ITPR3: variants seen among roughly 807,000 people sequenced by gnomAD.
The protein encoded by ITPR3 is inositol 1,4,5-trisphosphate receptor type 3.
A neutral mutation model predicts 293.2 loss-of-function variants in ITPR3; 173 were observed. The ratio of observed to expected loss-of-function variants is 0.59; its 90% CI spans 0.52 to 0.67. The LOEUF (loss-of-function observed/expected upper bound fraction) is 0.67, where lower values mean the gene tolerates loss of function less well. ITPR3 is among the 30% of genes least tolerant of loss of function. The pLI is 0.00. For synonymous variants in ITPR3, 1,295 were observed against 1,444.4 expected, an observed-to-expected ratio of 0.90 and a Z score of 2.35; for missense variants, 2,796 against 3,592.1, an observed-to-expected ratio of 0.78 and a Z score of 5.66.
At chr6:33,680,285 C>T in intron 31 of ITPR3, 44 bp from the exon 32 acceptor site, 1 of 1,589,268 alleles carries the variant, frequency 6.3e-7, no homozygotes, top group Non-Finnish European at 8.6e-7. Context: ...AGAGCCTGGC[C>T]AGGCGGCCCT....
intron 7 of ITPR3, among the ~76,000 whole-genome samples, chr6:33,661,269 A>G (rs16868575): frequency 0.22 from 33,354 of 152,182 alleles, 3,941 homozygotes; most frequent in Middle Eastern, 0.28. Flanking sequence ...GGAAGACAGA[A>G]AGTGCCATTA....
chr6:33,624,660 T>C lies in ITPR3; in HGVS notation c.89+2969T>C, dbSNP rs927250716. ...GTTGGTGCCCATGTCTGTGAACCCA[T>C]AGGCTGATTTGACTGAATTCCTGGG... is the stretch of plus-strand genomic sequence containing the variant. On this transcript the variant is annotated intron_variant, in intron 1 of 57. Transcript: ENST00000605930. The surrounding 1 kb of genome is among the most constrained non-coding windows in gnomAD (Gnocchi z 4.7). Among the ~76,000 whole-genome samples the C allele has an allele frequency of 3.3e-5, 5 of 152,228 alleles. No individual in the cohort carries two copies. Among genetic ancestry groups the C allele is most frequent in the Non-Finnish European group, 7.3e-5 (5 of 68,048 alleles).
chr6:33,683,467 AG>A lies in ITPR3; in HGVS notation c.4788+74del. The A allele has an allele frequency of 7.9e-7, 1 of 1,271,430 alleles. No homozygotes were observed. The highest frequency in any genetic ancestry group is 1.1e-6 in the Non-Finnish European group (1 of 948,840). The allele number at this position is 1,271,430 out of a possible 1,614,324, so 78.8% of individuals were successfully genotyped here. The stretch of plus-strand genomic sequence containing the variant: ...TGAGTCAGCAGCTCCCCTACTTTGG[AG>A]GGGCAAGTTCTCGGGGAGTGTTTCT... On this transcript the variant is annotated intron_variant, in intron 35 of 57. Transcript: ENST00000605930. This position sits in a 1 kb window ranked among gnomAD's most constrained non-coding sequence, Gnocchi z 4.5.
chr6:33,673,683 T>C lies in ITPR3; in HGVS notation c.3021T>C (p.Ser1007=), dbSNP rs1325197811. 4.3e-6 allele frequency: 7 copies of C among 1,614,048 alleles called. No individual in the cohort carries two copies. Among genetic ancestry groups the C allele is most frequent in the Non-Finnish European group, 5.9e-6 (7 of 1,180,020 alleles). ...EFVEVFPMQD[S]GADGTAPAFD... ...TGGAGGTGTTTCCCATGCAGGACAGTGGGGCTGATGGCACAGCCCCTGCCT... is the reference window on the plus strand; with the variant it reads ...TGGAGGTGTTTCCCATGCAGGACAGCGGGGCTGATGGCACAGCCCCTGCCT... The change falls in exon 23 of 58, where the codon AGT becomes AGC. Residue 1007 remains serine (S), a synonymous_variant. Coordinates refer to ENST00000605930, the MANE Select transcript of ITPR3 (RefSeq NM_002224.4).
In ITPR3 at chr6:33,688,104, G is replaced by C; in HGVS notation, c.6312G>C (p.Ala2104=). ...KQLSQMLKSS[A]PAQEEEEDPL... ...TGTCACAGATGCTCAAGTCCTCAGC[G>C]CCAGCACAGGAGGAGGAGGAAGACC... Residue 2104 remains alanine, a synonymous_variant, in exon 47 of 58, where the codon GCG becomes GCC. Coordinates refer to ENST00000605930, the MANE Select transcript of ITPR3 (RefSeq NM_002224.4). The C allele has an allele frequency of 6.2e-7, 1 of 1,614,096 alleles. No individual in the cohort carries two copies. Among genetic ancestry groups the C allele is most frequent in the Non-Finnish European group, 8.5e-7 (1 of 1,180,000 alleles).
At position 33,690,111 on chromosome 6, in the gene ITPR3, C is replaced by A; in HGVS notation, c.6945C>A (p.Val2315=). 1 of 1,614,164 alleles carries A rather than the reference C, an allele frequency of 6.2e-7. No individual in the cohort carries two copies. Among genetic ancestry groups the A allele is most frequent in the South Asian group, 1.1e-5 (1 of 91,062 alleles). Residue 2315 remains valine, a synonymous_variant, in exon 51 of 58, where the codon GTC becomes GTA. Coordinates refer to ENST00000605930, the MANE Select transcript of ITPR3 (RefSeq NM_002224.4). ...TCATCCGGGGCTATAAGGCCATGGT[C>A]ATGGACATGGAATTCCTCTACCACG... ...GTFIRGYKAM[V]MDMEFLYHVG...
rs761697786 is a variant in ITPR3, at chr6:33,678,313, C to T, written c.3649-108C>T. On this transcript the variant is annotated intron_variant, in intron 28 of 57. Transcript: ENST00000605930. ...CTTTCCCTTTACGCTGGCCTCTTCACGGTCCCAGTCCCAAGCCCGACCCAC... is the reference window on the plus strand; with the variant it reads ...CTTTCCCTTTACGCTGGCCTCTTCATGGTCCCAGTCCCAAGCCCGACCCAC... The T allele has an allele frequency of 2.3e-5, 33 of 1,462,112 alleles. 1 individual carries two copies. In the South Asian group the frequency reaches 3.2e-4, roughly 14 times the overall value. The allele number at this position is 1,462,112 out of a possible 1,614,324, so 90.6% of individuals were successfully genotyped here.
chr6:33,694,554 G>A (rs1410182118), intron 56 of ITPR3: 1 of 266,862 alleles, frequency 3.7e-6, no homozygotes, highest in African/African-American at 2.3e-5. Flanking sequence ...TTGTCAGGCA[G>A]GCGGGCGGGA....
chr6:33,661,556 G>A (rs550914009), intron 7 of ITPR3, among the ~76,000 whole-genome samples: 68 of 152,308 alleles, frequency 4.5e-4, no homozygotes, highest in African/African-American at 1.5e-3. Context: ...TGGCTGGCAC[G>A]CGGTAAGTGT....
rs1763712774 is a variant in ITPR3 at position 33,632,786 on chromosome 6, TG to T, written c.90-7695del. ...GTCCTCTGGGCTCCTGAGCCTCTGCTGGGCTGGTCCTGGAGGGGAGAAGGGG... is the reference window on the plus strand; with the variant it reads ...GTCCTCTGGGCTCCTGAGCCTCTGCTGGCTGGTCCTGGAGGGGAGAAGGGG... On this transcript the variant is annotated intron_variant, in intron 1 of 57. Transcript: ENST00000605930. The surrounding 1 kb of genome is among the most constrained non-coding windows in gnomAD (Gnocchi z 4.1). Among the ~76,000 whole-genome samples, 1 of 152,242 alleles carries T rather than the reference TG, an allele frequency of 6.6e-6. No individual in the cohort carries two copies. The highest frequency in any genetic ancestry group is 6.5e-5 in the Admixed American group (1 of 15,288).
At position 33,696,077 on chromosome 6, in the gene ITPR3, C is replaced by G. The variant is rs1582175738; in HGVS notation, c.*297C>G. 2.5e-6 allele frequency: 1 copy of G among 396,810 alleles called. No individual in the cohort carries two copies. The highest frequency in any genetic ancestry group is 4.2e-5 in the East Asian group (1 of 23,764). The allele number at this position is 396,810 out of a possible 1,614,324, so 24.6% of individuals were successfully genotyped here. On this transcript the variant is annotated 3_prime_UTR_variant, in exon 58 of 58. Transcript: ENST00000605930. Reference sequence around the variant, plus strand: ...AGACCTTTGTTCCTTAAAGCAATAACTGACAACTCTTTGTAGTCCTCCTTG... The same window carrying G: ...AGACCTTTGTTCCTTAAAGCAATAAGTGACAACTCTTTGTAGTCCTCCTTG...
Position 33,685,552 on chromosome 6 carries a change from A to T in ITPR3, c.5482+19A>T. 1 of 1,607,248 alleles carries T rather than the reference A, an allele frequency of 6.2e-7. No individual in the cohort carries two copies. Among genetic ancestry groups the T allele is most frequent in the East Asian group, 2.2e-5 (1 of 44,666 alleles). On this transcript the variant is annotated intron_variant, in intron 40 of 57. Coordinates refer to ENST00000605930, the MANE Select transcript of ITPR3 (RefSeq NM_002224.4). ...ACCAAAGGTCAGGGGTCTGAGGCAG[A>T]GGCACGGCGTGACGGGGATCCCAGG...
At chr6:33,636,653 A>G (rs1468260599) in intron 1 of ITPR3, among the ~76,000 whole-genome samples, 3 of 151,890 alleles carry the variant, frequency 2.0e-5, no homozygotes, top group Non-Finnish European at 4.4e-5. Flanking sequence ...TTCCGGTGGG[A>G]GGCCAGGAGC....
Position 33,693,578 on chromosome 6 carries a change from T to C in ITPR3, c.7658T>C (p.Val2553Ala), listed in dbSNP as rs760559653. The C allele has an allele frequency of 4.3e-6, 7 of 1,614,002 alleles. No homozygotes were observed. The Admixed American group carries it at 8.3e-5, about 19-fold the overall frequency. ...LERDKFDNKT[V>A]SFEEHIKLEH... ...AGGGACAAGTTTGATAACAAGACAG[T>C]GTCATTTGAGGAACACATCAAGCTG... Residue 2553 changes from valine to alanine, a missense_variant, in exon 56 of 58, where the codon GTG (valine) becomes GCG (alanine). Physicochemically the swap from Val to Ala is moderately conservative, Grantham distance 64. Transcript: ENST00000605930.
At chr6:33,651,945 G>A (rs995220608) in intron 2 of ITPR3, among the ~76,000 whole-genome samples, 4 of 152,118 alleles carry the variant, frequency 2.6e-5, no homozygotes, top group African/African-American at 9.7e-5. Context: ...CTGCTCTAGG[G>A]GCTGTACCTG....
intron 22 of ITPR3, among the ~76,000 whole-genome samples, chr6:33,673,323 G>A (rs920367477): frequency 3.3e-5 from 5 of 152,154 alleles, no homozygotes; most frequent in African/African-American, 1.2e-4. Flanking sequence ...AGGGGTGCTC[G>A]CTGCCTCATG....
At position 33,673,620 on chromosome 6, in the gene ITPR3, C is replaced by T; in HGVS notation, c.2958C>T (p.Arg986=). 1 of 1,614,194 alleles carries T rather than the reference C, an allele frequency of 6.2e-7. No homozygotes were observed. ...TCCTCAATGTCCGCCTGGATTACCG[C>T]ATATCCTACCTGCTGTCTGTCTTCA... ...QFILNVRLDY[R]ISYLLSVFKK... The change falls in exon 23 of 58, where the codon CGC becomes CGT. Residue 986 remains arginine (R), a synonymous_variant. Transcript: ENST00000605930.
chr6:33,667,164 G>A lies in ITPR3; in HGVS notation c.1587G>A (p.Lys529=), dbSNP rs1171284200. 6.2e-7 allele frequency: 1 copy of A among 1,614,156 alleles called. No individual in the cohort carries two copies. Among genetic ancestry groups the A allele is most frequent in the Non-Finnish European group, 8.5e-7 (1 of 1,179,976 alleles). Residue 529 remains lysine, a synonymous_variant, in exon 15 of 58, where the codon AAG becomes AAA. Transcript: ENST00000605930. The surrounding 1 kb of genome is among the most constrained non-coding windows in gnomAD (Gnocchi z 4.4). ...FGILKAPFRE[K]GGEGPLVRLE... ...TTCTGAAGGCCCCGTTCCGTGAGAA[G>A]GGGGGTGAAGGTCCCCTGGTGCGGC... is the stretch of plus-strand genomic sequence containing the variant.
At chr6:33,629,124 C>T (rs1245610530) in intron 1 of ITPR3, among the ~76,000 whole-genome samples, 2 of 152,234 alleles carry the variant, frequency 1.3e-5, no homozygotes, top group Non-Finnish European at 2.9e-5. Flanking sequence ...GCATTTAGAA[C>T]ACCAATTTGC....
Sources: gnomAD v4.1 joint callset for allele counts (sites outside exome capture counted in the v4.1 genomes callset) on GRCh38, gnomAD v4.1.1 for gene constraint, Gnocchi (gnomAD v3.1) non-coding constraint, MANE v1.5 for transcripts, NCBI Gene and HGNC (gene_info 2026-07-23, HGNC 2026-07-21) for gene names.